Variants in COL22A1 observed in about 807,000 individuals in gnomAD.
COL22A1 encodes collagen alpha-1(XXII) chain.
COL22A1 carries 221 observed loss-of-function variants against 248.9 expected under a neutral mutation model. The observed-to-expected ratio is 0.89, with a 90% CI of 0.80 to 0.99. The LOEUF (loss-of-function observed/expected upper bound fraction) is 0.99, where lower values mean the gene tolerates loss of function less well. COL22A1 is among the 50% of genes least tolerant of loss of function. The probability of loss-of-function intolerance (pLI) is 0.00; values close to 1 mark genes in which losing one functional copy is unlikely to be tolerated. For synonymous variants in COL22A1, 891 were observed against 793.4 expected, an observed-to-expected ratio of 1.12 and a Z score of -2.07; for missense variants, 2,240 against 2,179.0, an observed-to-expected ratio of 1.03 and a Z score of -0.56.
At chr8:138,713,719 G>GT (rs1829218167) in intron 30 of COL22A1, among the ~76,000 whole-genome samples, 4 of 148,600 alleles carry the variant, frequency 2.7e-5, no homozygotes, top group Admixed American at 2.0e-4. Context: ...CACCCCCACC[G>GT]CCCCGCCGTA....
At position 138,755,797 on chromosome 8, in the gene COL22A1, T is replaced by TA; in HGVS notation, c.1934dup (p.Pro646ThrfsTer55). On this transcript the variant is annotated frameshift_variant, in exon 19 of 65. Coordinates refer to ENST00000303045, the MANE Select transcript of COL22A1 (RefSeq NM_152888.3). LOFTEE classifies it high-confidence loss of function. ...ACTGCTGACTCACCACTGAGCCTGG[T>TA]ACACCAGGTGGCCCCGCAGGTCCCA... 1 of 1,614,162 alleles carries TA rather than the reference T, an allele frequency of 6.2e-7. No individual in the cohort carries two copies. The highest frequency in any genetic ancestry group is 1.3e-5 in the African/African-American group (1 of 75,038).
intron 50 of COL22A1, 95 bp from the exon 51 acceptor site, chr8:138,626,338 A>T: frequency 1.0e-6 from 1 of 990,204 alleles, no homozygotes; most frequent in African/African-American, 1.6e-5. Context: ...GGGTTGGGGG[A>T]GTGAGTGTTT....
At chr8:138,855,861 C>T (rs558065529) in intron 3 of COL22A1, among the ~76,000 whole-genome samples, 2 of 152,350 alleles carry the variant, frequency 1.3e-5, no homozygotes, top group East Asian at 3.9e-4. Context: ...TGTTCCCAAG[C>T]CACCCACTGT....
chr8:138,767,901 T>C (rs182717828), intron 16 of COL22A1, among the ~76,000 whole-genome samples: 22 of 152,334 alleles, frequency 1.4e-4, no homozygotes, highest in Admixed American at 1.4e-3. Flanking sequence ...ACACGTGGTG[T>C]CTTTCTTCTC....
In COL22A1 at chr8:138,837,777, A is replaced by T. The variant is rs1311450446; in HGVS notation, c.734-4627T>A. Among the ~76,000 whole-genome samples the T allele has an allele frequency of 2.6e-5, 4 of 152,166 alleles. No individual in the cohort carries two copies. In the East Asian group the frequency reaches 7.7e-4, roughly 29 times the overall value. ...CCAGGGTTCCATGAAACTGGTGCCT[A>T]AAGTGTACAGTCTGCTTAGGATTAG... On this transcript the variant is annotated intron_variant, in intron 4 of 64. Coordinates refer to ENST00000303045, the MANE Select transcript of COL22A1 (RefSeq NM_152888.3).
chr8:138,685,408 G>T (rs1826272422), intron 37 of COL22A1, 96 bp from the exon 38 acceptor site: 1 of 960,716 alleles, frequency 1.0e-6, no homozygotes, highest in Non-Finnish European at 1.6e-6. Flanking sequence ...GGTTTCCTGG[G>T]GCTGCCTTTA....
At chr8:138,641,442 A>G (rs1821692820) in intron 47 of COL22A1, among the ~76,000 whole-genome samples, 1 of 152,146 alleles carries the variant, frequency 6.6e-6, no homozygotes, top group Admixed American at 6.6e-5. Context: ...CAAACAAGGC[A>G]TTTACGTCTA....
intron 32 of COL22A1, among the ~76,000 whole-genome samples, chr8:138,696,372 C>T (rs571751082): frequency 2.6e-5 from 4 of 152,066 alleles, no homozygotes; most frequent in East Asian, 1.9e-4. Flanking sequence ...TTGCAAGACA[C>T]GGCTTTAGAG....
At chr8:138,840,553 ACACACG>A (rs920847031) in intron 4 of COL22A1, among the ~76,000 whole-genome samples, 93 of 149,848 alleles carry the variant, frequency 6.2e-4, no homozygotes, top group African/African-American at 2.3e-3. Context: ...ACACACACAC[ACACACG>A]CGCTCCTGAA....
At chr8:138,818,187 C>G (rs191396122) in intron 7 of COL22A1, among the ~76,000 whole-genome samples, 2 of 152,248 alleles carry the variant, frequency 1.3e-5, no homozygotes, top group Non-Finnish European at 2.9e-5. Context: ...ATAAGATGCT[C>G]TCTGGGTTCC....
chr8:138,697,813 A>T (rs1320608145), intron 32 of COL22A1, among the ~76,000 whole-genome samples: 1 of 152,242 alleles, frequency 6.6e-6, no homozygotes, highest in African/African-American at 2.4e-5. Flanking sequence ...ACACTTTCCA[A>T]ATCCATCAAT....
Position 138,636,779 on chromosome 8 carries a change from C to T in COL22A1, c.3518G>A (p.Arg1173His), listed in dbSNP as rs148960787. The change falls in exon 48 of 65, where the codon CGT (arginine) becomes CAT (histidine). Residue 1173 changes from arginine to histidine, a missense_variant. Coordinates refer to ENST00000303045, the MANE Select transcript of COL22A1 (RefSeq NM_152888.3). ...CTGCCCAACCTCACCATCTGCACCACGTTCTCCTTGACTTCCCTTGAAAGG... is the reference window on the plus strand; with the variant it reads ...CTGCCCAACCTCACCATCTGCACCATGTTCTCCTTGACTTCCCTTGAAAGG... ...IAGPQGSQGE[R>H]GADGEVGQKG... is the part of the protein sequence containing the mutation. The T allele has an allele frequency of 7.3e-5, 118 of 1,613,430 alleles. No individual in the cohort carries two copies. Among genetic ancestry groups the T allele is most frequent in the African/African-American group, 6.7e-4 (50 of 74,934 alleles).
chr8:138,812,220 C>T (rs1052272437), intron 8 of COL22A1, among the ~76,000 whole-genome samples: 1 of 152,200 alleles, frequency 6.6e-6, no homozygotes, highest in Non-Finnish European at 1.5e-5. Flanking sequence ...TTCTGTTCTT[C>T]CCTCACCCTC....
chr8:138,717,385 G>A (rs1169447527), intron 27 of COL22A1, among the ~76,000 whole-genome samples: 2 of 152,160 alleles, frequency 1.3e-5, no homozygotes, highest in African/African-American at 4.8e-5. Context: ...CTGACCTCGT[G>A]ATCAGCCTGC....
intron 53 of COL22A1, among the ~76,000 whole-genome samples, chr8:138,619,099 GTTACT>G (rs1249704049): frequency 1.3e-5 from 2 of 151,826 alleles, no homozygotes; most frequent in East Asian, 3.9e-4. Context: ...ATGAGAATGG[GTTACT>G]TTTATAGTTG....
intron 9 of COL22A1, among the ~76,000 whole-genome samples, chr8:138,811,401 ATGG>A (rs1818216100): frequency 6.6e-6 from 1 of 152,020 alleles, no homozygotes; most frequent in African/African-American, 2.4e-5. Context: ...ATGATAGTGA[ATGG>A]TTAATCAAAG....
chr8:138,745,323 G>A (rs1832021229), intron 22 of COL22A1, among the ~76,000 whole-genome samples: 1 of 151,984 alleles, frequency 6.6e-6, no homozygotes, highest in Non-Finnish European at 1.5e-5. Flanking sequence ...GCCATCCCCT[G>A]TGGAAGGTGA....
intron 8 of COL22A1, 56 bp downstream of exon 8, chr8:138,812,883 C>T (rs1818359432): frequency 2.3e-6 from 3 of 1,332,022 alleles, no homozygotes; most frequent in Admixed American, 1.7e-5. Context: ...TTCCCCTTCC[C>T]TCTGGAGGCC....
At chr8:138,639,614 A>G (rs1171859847) in intron 47 of COL22A1, among the ~76,000 whole-genome samples, 3 of 152,104 alleles carry the variant, frequency 2.0e-5, no homozygotes, top group African/African-American at 7.2e-5. Context: ...TACTGAAAAC[A>G]CTTACTTTTG....
Sources: gnomAD v4.1 joint callset for allele counts (sites outside exome capture counted in the v4.1 genomes callset) on GRCh38, gnomAD v4.1.1 for gene constraint, MANE v1.5 for transcripts, NCBI Gene and HGNC (gene_info 2026-07-23, HGNC 2026-07-21) for gene names.